The following COL5A1 variants were observed in gnomAD, a reference collection of about 807,000 sequenced individuals.
The protein encoded by COL5A1 is collagen alpha-1(V) chain.
COL5A1 carries 16 observed loss-of-function variants against 263.7 expected under a neutral mutation model. The observed-to-expected ratio is 0.06, with a 90% CI of 0.04 to 0.09. COL5A1 has a LOEUF of 0.09. COL5A1 is among the 10% of genes least tolerant of loss of function. COL5A1 has a pLI of 1.00. For missense variants in COL5A1, 2,036 were observed against 2,540.5 expected (o/e 0.80, Z 4.27); for synonymous variants, 1,012 against 1,004.5 (o/e 1.01, Z -0.14).
At chr9:134,785,927 T>A in intron 30 of COL5A1, 68 bp from the exon 31 acceptor site, 1 of 1,459,162 alleles carries the variant, frequency 6.9e-7, no homozygotes. Context: ...ATGTCCTTTC[T>A]CTCTGCTCCG....
intron 37 of COL5A1, among the ~76,000 whole-genome samples, chr9:134,799,189 C>T (rs1349493853): frequency 6.6e-6 from 1 of 152,230 alleles, no homozygotes; most frequent in South Asian, 2.1e-4. Context: ...CCAGAAAGGA[C>T]TCCAGTGTTT....
rs369789387 is a variant in COL5A1, at chr9:134,767,302, C to T, written c.2188-8C>T. 1.9e-5 allele frequency: 30 copies of T among 1,613,830 alleles called. No individual in the cohort carries two copies. In the Middle Eastern group the frequency reaches 2.5e-3, roughly 133 times the overall value. ...CACCTTCCCTTTCTGGCTCTTTCTC[C>T]CTCTTAGGGTCTTCCAGGCCCCCAG... On this transcript the variant is annotated splice_region_variant and splice_polypyrimidine_tract_variant and intron_variant, in intron 23 of 65. Transcript: ENST00000371817.
intron 27 of COL5A1, among the ~76,000 whole-genome samples, chr9:134,779,473 A>G (rs547982766): frequency 6.6e-6 from 1 of 152,300 alleles, no homozygotes; most frequent in African/African-American, 2.4e-5. Context: ...TCACAGTATC[A>G]TCTCTTCATG....
intron 4 of COL5A1, among the ~76,000 whole-genome samples, chr9:134,725,263 A>G (rs1834606774): frequency 6.6e-6 from 1 of 152,066 alleles, no homozygotes; most frequent in African/African-American, 2.4e-5. Flanking sequence ...TGGACAGGTG[A>G]CCTCACAGGT....
chr9:134,656,839 G>C (rs756911126), intron 1 of COL5A1, among the ~76,000 whole-genome samples: 1 of 148,710 alleles, frequency 6.7e-6, no homozygotes, highest in Non-Finnish European at 1.5e-5. Context: ...GATGCTAAAT[G>C]GTTGGCACAA....
chr9:134,817,130 C>A lies in COL5A1; in HGVS notation c.4176+51C>A, dbSNP rs145817688. On this transcript the variant is annotated intron_variant, in intron 53 of 65. Transcript: ENST00000371817. Reference sequence around the variant, plus strand: ...TGCTGTCAAATCCCTGCATGAAACACCCCCGCCCCTCCCCGTCACCTTTGC... The same window carrying A: ...TGCTGTCAAATCCCTGCATGAAACAACCCCGCCCCTCCCCGTCACCTTTGC... 82 of 1,509,322 alleles carry A rather than the reference C, an allele frequency of 5.4e-5. No individual in the cohort carries two copies. In the East Asian group the frequency reaches 1.6e-3, roughly 29 times the overall value. 93.5% of individuals were successfully genotyped at this position (1,509,322 alleles called of 1,614,324 possible). A position where few individuals can be genotyped will look rare whatever the true frequency, so the allele number is the denominator to read the frequency against.
Position 134,694,649 on chromosome 9 carries a change from G to T in COL5A1, c.277+3570G>T, listed in dbSNP as rs141813376. Among the ~76,000 whole-genome samples, 56 of 152,338 alleles carry T rather than the reference G, an allele frequency of 3.7e-4. 1 individual carries two copies. Among genetic ancestry groups the T allele is most frequent in the African/African-American group, 1.3e-3 (53 of 41,580 alleles). On this transcript the variant is annotated intron_variant, in intron 2 of 65. Coordinates refer to ENST00000371817, the MANE Select transcript of COL5A1 (RefSeq NM_000093.5). ...GTTCTGGGATCTGTCCGACCAGGGA[G>T]CTCAACCCTGAGCCACGGTTGCTGA...
At chr9:134,654,172 G>A (rs1187352841) in intron 1 of COL5A1, among the ~76,000 whole-genome samples, 2 of 140,068 alleles carry the variant, frequency 1.4e-5, no homozygotes, top group Non-Finnish European at 3.1e-5. Flanking sequence ...GGCTGGAGGT[G>A]TATAGGGCTG....
chr9:134,690,106 G>C (rs1833223161), intron 1 of COL5A1, among the ~76,000 whole-genome samples: 1 of 152,146 alleles, frequency 6.6e-6, no homozygotes, highest in Non-Finnish European at 1.5e-5. Context: ...TCAGTGGCCA[G>C]AGGTCAGCTT....
At position 134,747,991 on chromosome 9, in the gene COL5A1, A is replaced by ACACACATGCATT. The variant is rs1369073250; in HGVS notation, c.1495-2545_1495-2544insTGCATTCACACA. Among the ~76,000 whole-genome samples, 138 of 151,562 alleles carry ACACACATGCATT rather than the reference A, an allele frequency of 9.1e-4. 2 individuals are homozygous for ACACACATGCATT. The Middle Eastern group carries it at 0.014, about 15-fold the overall frequency. ...CATGCATTCACACACACATGCATTC[A>ACACACATGCATT]CACACACATACACATGCATTCACAC... is the stretch of plus-strand genomic sequence containing the variant. On this transcript the variant is annotated intron_variant, in intron 11 of 65. Transcript: ENST00000371817.
At chr9:134,819,295 C>T (rs568184512) in intron 57 of COL5A1, among the ~76,000 whole-genome samples, 1 of 152,358 alleles carries the variant, frequency 6.6e-6, no homozygotes, top group South Asian at 2.1e-4. Context: ...GCGGTATTGA[C>T]GGAGAACCTT....
chr9:134,768,879 G>A (rs547190118), intron 25 of COL5A1, among the ~76,000 whole-genome samples: 3 of 152,314 alleles, frequency 2.0e-5, no homozygotes, highest in East Asian at 1.9e-4. Context: ...GAGCAAACGC[G>A]TTTGCAGTGT....
intron 4 of COL5A1, among the ~76,000 whole-genome samples, chr9:134,705,916 GA>G (rs1393776104): frequency 2.0e-5 from 3 of 152,236 alleles, no homozygotes; most frequent in African/African-American, 7.2e-5. Context: ...AGAACTGGCT[GA>G]GGGTCCCGCC....
intron 25 of COL5A1, 123 bp from the exon 26 acceptor site, chr9:134,772,667 C>A: frequency 9.2e-7 from 1 of 1,089,254 alleles, no homozygotes; most frequent in Non-Finnish European, 1.4e-6. Flanking sequence ...CTGGTGCTCT[C>A]AGTTTTCCTG....
intron 65 of COL5A1, among the ~76,000 whole-genome samples, chr9:134,838,876 C>T (rs1007681485): frequency 1.3e-5 from 2 of 152,338 alleles, no homozygotes; most frequent in African/African-American, 2.4e-5. Context: ...GTGGCAGCAG[C>T]GTGGAGCTGG....
At chr9:134,649,044 T>G (rs944305393) in intron 1 of COL5A1, among the ~76,000 whole-genome samples, 9 of 146,666 alleles carry the variant, frequency 6.1e-5, no homozygotes, top group Non-Finnish European at 1.2e-4. Flanking sequence ...TGGTGGCTGA[T>G]CACTGAAAGG....
rs930073843 is a variant in COL5A1, at chr9:134,754,070, C to A, written c.1773+167C>A. On this transcript the variant is annotated intron_variant, in intron 15 of 65. Transcript: ENST00000371817. This position sits in a 1 kb window ranked among gnomAD's most constrained non-coding sequence, Gnocchi z 4.3. ...GGTGGAGCACAATGAACTCTGACAC[C>A]TGCGGCAGAAATGAGCTGGCTGTAT... is the stretch of plus-strand genomic sequence containing the variant. Among the ~76,000 whole-genome samples the A allele has an allele frequency of 6.6e-6, 1 of 152,212 alleles. No individual in the cohort carries two copies. The highest frequency in any genetic ancestry group is 1.5e-5 in the Non-Finnish European group (1 of 68,040).
chr9:134,831,430 C>T (rs1049571352), intron 64 of COL5A1, among the ~76,000 whole-genome samples: 12 of 152,204 alleles, frequency 7.9e-5, no homozygotes, highest in East Asian at 1.9e-4. Flanking sequence ...CTTTTCCCCG[C>T]CTCCTCTGTG....
At chr9:134,705,282 G>T (rs7864597) in intron 4 of COL5A1, among the ~76,000 whole-genome samples, 127,280 of 152,186 alleles carry the variant, frequency 0.84, 53,377 homozygotes, top group Admixed American at 0.89. Context: ...GCAAGGCCAG[G>T]GCTAACGGCT....
Sources: allele counts gnomAD v4.1 joint callset (sites outside exome capture counted in the v4.1 genomes callset), GRCh38; gene constraint gnomAD v4.1.1; non-coding constraint Gnocchi (gnomAD v3.1); transcripts MANE v1.5; gene names NCBI Gene and HGNC (gene_info 2026-07-23, HGNC 2026-07-21).